Variants in PRDM2 observed in about 807,000 individuals in gnomAD.
PRDM2 encodes PR/SET domain 2.
PRDM2 carries 30 observed loss-of-function variants against 130.0 expected under a neutral mutation model. That is an observed-to-expected ratio of 0.23 (90% CI 0.17 to 0.31). The LOEUF is 0.31. Ranked by LOEUF, PRDM2 falls within the 10% of genes least tolerant of loss-of-function variation. The pLI is 1.00. For missense variants in PRDM2, 2,011 were observed against 2,108.4 expected, an observed-to-expected ratio of 0.95 and a Z score of 0.90; for synonymous variants, 871 against 782.4, an observed-to-expected ratio of 1.11 and a Z score of -1.89.
chr1:13,788,473 T>G (rs1023139265), intron 8 of PRDM2, among the ~76,000 whole-genome samples: 1 of 152,224 alleles, frequency 6.6e-6, no homozygotes, highest in African/African-American at 2.4e-5. Context: ...TATGTGAAAT[T>G]GCTGGGGTTT....
intron 1 of PRDM2, among the ~76,000 whole-genome samples, chr1:13,710,622 G>A (rs1642339553): frequency 6.6e-6 from 1 of 152,164 alleles, no homozygotes; most frequent in Non-Finnish European, 1.5e-5. Context: ...GAAGGGATAT[G>A]TTAGACTTAT....
intron 8 of PRDM2, among the ~76,000 whole-genome samples, chr1:13,809,922 G>A (rs143540677): frequency 2.0e-5 from 3 of 152,268 alleles, no homozygotes; most frequent in Admixed American, 6.5e-5. Flanking sequence ...GGTTCTGGTC[G>A]AGGCTCTCTT....
rs768340694 is a variant in PRDM2, at chr1:13,780,903, C to T, written c.3108C>T (p.Pro1036=). The change falls in exon 8 of 10, where the codon CCC becomes CCT. Residue 1036 remains proline, a synonymous_variant. Coordinates refer to ENST00000311066, the MANE Select transcript of PRDM2 (RefSeq NM_001393986.1). The part of the protein sequence containing the change: ...TVSPSPSPIP[P]VEPLMSAASP... ...CCCCCTCTCCCTCTCCCATTCCTCC[C>T]GTGGAGCCCCTGATGTCTGCCGCCT... 2.0e-5 allele frequency: 33 copies of T among 1,613,236 alleles called. No individual in the cohort carries two copies. The highest frequency in any genetic ancestry group is 2.7e-5 in the Non-Finnish European group (32 of 1,179,490).
At chr1:13,750,576 G>C (rs1293000313) in intron 6 of PRDM2, among the ~76,000 whole-genome samples, 2 of 152,146 alleles carry the variant, frequency 1.3e-5, no homozygotes, top group African/African-American at 4.8e-5. Flanking sequence ...ATGTAGGCAA[G>C]AAGTCTGTTC....
chr1:13,732,685 C>T, intron 3 of PRDM2, 94 bp from the exon 4 acceptor site: 1 of 888,252 alleles, frequency 1.1e-6, no homozygotes, highest in South Asian at 1.8e-5. Flanking sequence ...GCAGTCTAGC[C>T]TTTTAACTGT....
In PRDM2 at chr1:13,780,851, C is replaced by G. The variant is rs772774806; in HGVS notation, c.3056C>G (p.Pro1019Arg). Residue 1019 changes from proline to arginine, a missense_variant, in exon 8 of 10, where the codon CCA (proline) becomes CGA (arginine). Pro to Arg is a moderately radical substitution (Grantham distance 103, BLOSUM62 -2). Transcript: ENST00000311066. The part of the protein sequence containing the change: ...SPLSNATAQS[P>R]LPILSPTVSP... ...CTCTCAAATGCCACCGCACAGTCCC[C>G]ACTTCCAATTCTGTCCCCAACAGTG... 1.4e-5 allele frequency: 23 copies of G among 1,609,696 alleles called. No homozygotes were observed. The highest frequency in any genetic ancestry group is 2.0e-5 in the Non-Finnish European group (23 of 1,176,796).
intron 8 of PRDM2, among the ~76,000 whole-genome samples, chr1:13,796,047 T>C (rs751142859): frequency 6.6e-6 from 1 of 152,194 alleles, no homozygotes; most frequent in Non-Finnish European, 1.5e-5. Context: ...TGTGATGTCA[T>C]TGTGTCTGCT....
intron 6 of PRDM2, among the ~76,000 whole-genome samples, chr1:13,757,278 T>C (rs1203634): frequency 0.17 from 26,525 of 152,286 alleles, 2,917 homozygotes; most frequent in Admixed American, 0.24. Flanking sequence ...GCTATTGTCT[T>C]TCAAGTGTTT....
At position 13,779,531 on chromosome 1, in the gene PRDM2, A is replaced by C. The variant is rs778680194; in HGVS notation, c.1736A>C (p.Asn579Thr). 1.9e-6 allele frequency: 3 copies of C among 1,613,840 alleles called. No individual in the cohort carries two copies. The highest frequency in any genetic ancestry group is 2.2e-5 in the East Asian group (1 of 44,880). ...YIDGKIQTNN[N>T]TSNCDVIEME... is the part of the protein sequence containing the mutation. Reference sequence around the variant, plus strand: ...GATGGTAAAATTCAAACTAATAACAACACTAGTAACTGTGATGTGATTGAG... The same window carrying C: ...GATGGTAAAATTCAAACTAATAACACCACTAGTAACTGTGATGTGATTGAG... Residue 579 changes from asparagine (N) to threonine (T), a missense_variant, in exon 8 of 10, where the codon AAC (asparagine) becomes ACC (threonine). This residue lies in a region of PRDM2 where 1,288 missense variants were observed against 1,237.7 expected (regional missense o/e 1.04). Coordinates refer to ENST00000311066, the MANE Select transcript of PRDM2 (RefSeq NM_001393986.1). The surrounding 1 kb of genome is among the most constrained non-coding windows in gnomAD (Gnocchi z 4.9).
intron 7 of PRDM2, among the ~76,000 whole-genome samples, chr1:13,776,866 G>A (rs1234333301): frequency 1.3e-5 from 2 of 152,092 alleles, no homozygotes; most frequent in East Asian, 3.9e-4. Context: ...TCTTCTGCCT[G>A]CGTTCACTTG....
chr1:13,763,595 G>A (rs1406224926), intron 6 of PRDM2, among the ~76,000 whole-genome samples: 4 of 152,080 alleles, frequency 2.6e-5, no homozygotes, highest in Admixed American at 2.6e-4. Flanking sequence ...ACAAAGTAGA[G>A]GCTTTTTCCA....
At chr1:13,762,113 T>C (rs1378616429) in intron 6 of PRDM2, among the ~76,000 whole-genome samples, 1 of 152,250 alleles carries the variant, frequency 6.6e-6, no homozygotes, top group Non-Finnish European at 1.5e-5. Flanking sequence ...ATTCCATTTA[T>C]TGAGTCTGTG....
chr1:13,788,711 G>A (rs1172590769), intron 8 of PRDM2, among the ~76,000 whole-genome samples: 1 of 152,224 alleles, frequency 6.6e-6, no homozygotes, highest in African/African-American at 2.4e-5. Context: ...TTAAACAAAT[G>A]AGGCTTCAAC....
chr1:13,738,894 C>CT (rs1341049089), intron 4 of PRDM2: 1 of 150,620 alleles, frequency 6.6e-6, no homozygotes, highest in Admixed American at 6.6e-5. Context: ...CTTCAGGTAT[C>CT]TAATTCTGTA....
At chr1:13,711,010 G>C (rs1451336242) in intron 1 of PRDM2, among the ~76,000 whole-genome samples, 1 of 151,696 alleles carries the variant, frequency 6.6e-6, no homozygotes, top group Non-Finnish European at 1.5e-5. Flanking sequence ...GCCTGAACCC[G>C]GGAGGTGGAG....
chr1:13,765,825 C>T (rs1644213656), intron 6 of PRDM2, among the ~76,000 whole-genome samples: 1 of 152,134 alleles, frequency 6.6e-6, no homozygotes, highest in African/African-American at 2.4e-5. Context: ...TCTTCCTTAC[C>T]AACACAATCT....
intron 2 of PRDM2, chr1:13,722,780 G>A (rs1642773605): frequency 9.9e-6 from 5 of 506,610 alleles, no homozygotes; most frequent in South Asian, 7.2e-5. Context: ...TCTCTTGAAC[G>A]TTGACAGTCT....
At chr1:13,768,920 A>G (rs1644295232) in intron 6 of PRDM2, 1 of 155,432 alleles carries the variant, frequency 6.4e-6, no homozygotes, top group African/African-American at 2.4e-5. Flanking sequence ...AACTAAGTAC[A>G]CAGTTAAACA....
At chr1:13,744,111 A>T (rs1328676252) in intron 5 of PRDM2, among the ~76,000 whole-genome samples, 1 of 152,208 alleles carries the variant, frequency 6.6e-6, no homozygotes, top group East Asian at 1.9e-4. Context: ...TCATGTAGAT[A>T]TTAGGACACT....
Sources: gnomAD v4.1 joint callset for allele counts (sites outside exome capture counted in the v4.1 genomes callset) on GRCh38, gnomAD v4.1.1 for gene constraint, gnomAD v4.1.1 regional missense constraint, Gnocchi (gnomAD v3.1) non-coding constraint, MANE v1.5 for transcripts, NCBI Gene and HGNC (gene_info 2026-07-23, HGNC 2026-07-21) for gene names.